FBRS: variants seen among roughly 807,000 people sequenced by gnomAD.
FBRS encodes fibrosin.
Under a neutral mutation model 86.1 loss-of-function variants are expected in FBRS, and 15 were observed. The ratio of observed to expected loss-of-function variants is 0.17; its 90% CI spans 0.12 to 0.27. The LOEUF (loss-of-function observed/expected upper bound fraction) is 0.27, where lower values mean the gene tolerates loss of function less well. Ranked by LOEUF, FBRS falls within the 10% of genes least tolerant of loss-of-function variation. The pLI is 1.00. For missense variants in FBRS, 1,367 were observed against 1,301.6 expected (o/e 1.05, Z -0.77); for synonymous variants, 666 against 575.8 (o/e 1.16, Z -2.24).
rs534149394 is a variant in FBRS, at chr16:30,659,024, C to G, written c.-495C>G. 1.4e-4 allele frequency: 21 copies of G among 152,004 alleles called. No homozygotes were observed. The highest frequency in any genetic ancestry group is 2.6e-4 in the Non-Finnish European group (18 of 67,980). The allele number at this position is 152,004 out of a possible 1,614,324, so 9.4% of individuals were successfully genotyped here. Reference sequence around the variant, plus strand: ...AGGGACGGCCTGCTGTTAGAAGGACCCTGGACTCCTTAAAGGGGTGGCCTC... The same window carrying G: ...AGGGACGGCCTGCTGTTAGAAGGACGCTGGACTCCTTAAAGGGGTGGCCTC... On this transcript the variant is annotated 5_prime_UTR_variant, in exon 1 of 18. Transcript: ENST00000356166.
Position 30,665,333 on chromosome 16 carries a change from C to A in FBRS, c.1636C>A (p.Pro546Thr). The A allele has an allele frequency of 6.4e-7, 1 of 1,565,764 alleles. No individual in the cohort carries two copies. The highest frequency in any genetic ancestry group is 1.2e-5 in the South Asian group (1 of 85,388). ...NPYTAFPPAVPGLPPGLPPAV... is the reference protein window; with the variant it reads ...NPYTAFPPAVTGLPPGLPPAV... ...GTACACGGCCTTCCCTCCCGCAGTG[C>A]CCGGGCTGCCTCCGGGCCTCCCGCC... The change falls in exon 10 of 18, where the codon CCC (proline) becomes ACC (threonine). Residue 546 changes from proline (P) to threonine (T), a missense_variant. Around this residue, in one of 3 missense-constraint regions of FBRS, gnomAD observed 659 missense variants for 678.8 expected, o/e 0.97. Coordinates refer to ENST00000356166, the MANE Select transcript of FBRS (RefSeq NM_001105079.3). The surrounding 1 kb of genome is among the most constrained non-coding windows in gnomAD (Gnocchi z 4.1).
chr16:30,669,659 G>T lies in FBRS; in HGVS notation c.*14G>T, dbSNP rs765354266. 13 of 1,577,454 alleles carry T rather than the reference G, an allele frequency of 8.2e-6. No individual in the cohort carries two copies. Among genetic ancestry groups the T allele is most frequent in the African/African-American group, 1.4e-5 (1 of 73,802 alleles). ...GCTGACAGGTGAGGGGAACGGGGGGGGGTCGGGGCAAAGCTCCATCTCCCC... is the reference window on the plus strand; with the variant it reads ...GCTGACAGGTGAGGGGAACGGGGGGTGGTCGGGGCAAAGCTCCATCTCCCC... On this transcript the variant is annotated 3_prime_UTR_variant, in exon 18 of 18. Coordinates refer to ENST00000356166, the MANE Select transcript of FBRS (RefSeq NM_001105079.3). The surrounding 1 kb of genome is among the most constrained non-coding windows in gnomAD (Gnocchi z 5.9).
At chr16:30,666,471 C>T (rs777855223) in intron 11 of FBRS, 41 bp from the exon 12 acceptor site, 41 of 1,613,718 alleles carry the variant, frequency 2.5e-5, no homozygotes, top group East Asian at 6.7e-5. Flanking sequence ...GCCCAGGACT[C>T]GGGTCTGAGT....
chr16:30,669,561 T>G lies in FBRS; in HGVS notation c.2859T>G (p.Leu953=), dbSNP rs747019705. The G allele has an allele frequency of 6.2e-7, 1 of 1,612,588 alleles. No individual in the cohort carries two copies. The highest frequency in any genetic ancestry group is 1.3e-5 in the African/African-American group (1 of 75,028). The change falls in exon 18 of 18, where the codon CTT becomes CTG. Residue 953 remains leucine (L), a synonymous_variant. Transcript: ENST00000356166. The surrounding 1 kb of genome is among the most constrained non-coding windows in gnomAD (Gnocchi z 5.9). The part of the protein sequence containing the change: ...HLLSKTPPGA[L]LGAPPPLVPA... ...TCAGCAAGACCCCACCGGGAGCCCT[T>G]TTGGGGGCACCACCTCCGCTTGTGC...
chr16:30,663,096 C>T, intron 6 of FBRS: 1 of 704,780 alleles, frequency 1.4e-6, no homozygotes, highest in Non-Finnish European at 2.0e-6. Flanking sequence ...AACGTTTTTT[C>T]AGGCAGGCAA....
chr16:30,666,068 C>G, intron 11 of FBRS: 1 of 405,952 alleles, frequency 2.5e-6, no homozygotes. Flanking sequence ...GCCTCCCTCC[C>G]CTTAGCACTT....
At position 30,669,942 on chromosome 16, in the gene FBRS, A is replaced by G. The variant is rs1036740760; in HGVS notation, c.*297A>G. 6 of 545,868 alleles carry G rather than the reference A, an allele frequency of 1.1e-5. No individual in the cohort carries two copies. The African/African-American group carries it at 1.1e-4, about 10-fold the overall frequency. 33.8% of individuals were successfully genotyped at this position (545,868 alleles called of 1,614,324 possible). ...TCCTGAGGTACACCTTTGCCCCTGT[A>G]AGGGCCTCTAGGCCCTGGGCCTGCC... On this transcript the variant is annotated 3_prime_UTR_variant, in exon 18 of 18. Coordinates refer to ENST00000356166, the MANE Select transcript of FBRS (RefSeq NM_001105079.3). This position sits in a 1 kb window ranked among gnomAD's most constrained non-coding sequence, Gnocchi z 5.9.
chr16:30,665,647 C>G lies in FBRS; in HGVS notation c.1714C>G (p.Pro572Ala). ...QGAFQPKSTN[P>A]ELPPRLGPVP... is the part of the protein sequence containing the mutation. ...CACTCCCCTTTCCCAGAGCACGAAC[C>G]CTGAGCTGCCACCACGACTGGGGCC... Residue 572 changes from proline to alanine, a missense_variant, in exon 11 of 18, where the codon CCT becomes GCT. Around this residue, in one of 3 missense-constraint regions of FBRS, gnomAD observed 659 missense variants for 678.8 expected, o/e 0.97. Transcript: ENST00000356166. This position sits in a 1 kb window ranked among gnomAD's most constrained non-coding sequence, Gnocchi z 4.1. 1.3e-6 allele frequency: 2 copies of G among 1,589,194 alleles called. No homozygotes were observed. Among genetic ancestry groups the G allele is most frequent in the Non-Finnish European group, 1.7e-6 (2 of 1,168,222 alleles).
Position 30,664,281 on chromosome 16 carries a change from T to G in FBRS, c.1122T>G (p.Ser374=), listed in dbSNP as rs1157178865. 1.4e-6 allele frequency: 2 copies of G among 1,418,058 alleles called. No individual in the cohort carries two copies. The highest frequency in any genetic ancestry group is 1.9e-6 in the Non-Finnish European group (2 of 1,069,090). 87.8% of individuals were successfully genotyped at this position (1,418,058 alleles called of 1,614,324 possible). A position where few individuals can be genotyped will look rare whatever the true frequency, so the allele number is the denominator to read the frequency against. ...CTCAGCCTCCCCCCTCATCATCCTCTTCGTCCTCCTCCTCCTCATCTGCCT... is the reference window on the plus strand; with the variant it reads ...CTCAGCCTCCCCCCTCATCATCCTCGTCGTCCTCCTCCTCCTCATCTGCCT... ...PVAQPPPSSS[S]SSSSSSSASS... The change falls in exon 7 of 18, where the codon TCT becomes TCG. Residue 374 remains serine, a synonymous_variant. Coordinates refer to ENST00000356166, the MANE Select transcript of FBRS (RefSeq NM_001105079.3).
Position 30,665,515 on chromosome 16 carries a change from C to CCTGCT in FBRS, c.1704+115_1705-118dup. 7.1e-7 allele frequency: 1 copy of CCTGCT among 1,412,058 alleles called. No homozygotes were observed. The highest frequency in any genetic ancestry group is 1.4e-5 in the African/African-American group (1 of 70,326). 87.5% of individuals were successfully genotyped at this position (1,412,058 alleles called of 1,614,324 possible). The stretch of plus-strand genomic sequence containing the variant: ...AGTCGTGCCCATCCTCCTGCCCTGC[C>CCTGCT]CTGCTGCACCCAGTTTTCTCCAAAG... On this transcript the variant is annotated intron_variant, in intron 10 of 17. Coordinates refer to ENST00000356166, the MANE Select transcript of FBRS (RefSeq NM_001105079.3). This position sits in a 1 kb window ranked among gnomAD's most constrained non-coding sequence, Gnocchi z 4.1.
In FBRS at chr16:30,669,191, A is replaced by C. The variant is rs1419725463; in HGVS notation, c.2489A>C (p.Glu830Ala). The C allele has an allele frequency of 6.5e-6, 10 of 1,549,366 alleles. No homozygotes were observed. The highest frequency in any genetic ancestry group is 8.7e-6 in the Non-Finnish European group (10 of 1,146,722). The change falls in exon 18 of 18, where the codon GAG becomes GCG. Residue 830 changes from glutamate to alanine, a missense_variant. Physicochemically the swap from Glu to Ala is moderately radical, Grantham distance 107. Coordinates refer to ENST00000356166, the MANE Select transcript of FBRS (RefSeq NM_001105079.3). This position sits in a 1 kb window ranked among gnomAD's most constrained non-coding sequence, Gnocchi z 5.9. ...CGGGTAAAGGAAGAGCGGAAGGAGGAGGCTGCCGCCGCCGCTGCCGCTGCT... is the reference window on the plus strand; with the variant it reads ...CGGGTAAAGGAAGAGCGGAAGGAGGCGGCTGCCGCCGCCGCTGCCGCTGCT... ...SVRVKEERKEEAAAAAAAAAA... is the reference protein window; with the variant it reads ...SVRVKEERKEAAAAAAAAAAA...
chr16:30,664,499 C>A lies in FBRS; in HGVS notation c.1340C>A (p.Ala447Asp). 7.1e-7 allele frequency: 1 copy of A among 1,414,606 alleles called. No homozygotes were observed. The highest frequency in any genetic ancestry group is 9.2e-7 in the Non-Finnish European group (1 of 1,086,388). The allele number at this position is 1,414,606 out of a possible 1,614,324, so 87.6% of individuals were successfully genotyped here. A position where few individuals can be genotyped will look rare whatever the true frequency, so the allele number is the denominator to read the frequency against. ...LQVPGHPGAS[A>D]ANALSEQDLI... is the part of the protein sequence containing the mutation. Reference sequence around the variant, plus strand: ...GTGCCAGGGCACCCTGGGGCCTCAGCCGCTAACGCCCTTTCTGGTGAGTTT... The same window carrying A: ...GTGCCAGGGCACCCTGGGGCCTCAGACGCTAACGCCCTTTCTGGTGAGTTT... Residue 447 changes from alanine to aspartate, a missense_variant, in exon 7 of 18, where the codon GCC (alanine) becomes GAC (aspartate). Ala to Asp is a moderately radical substitution (Grantham distance 126, BLOSUM62 -2). This residue lies in a region of FBRS where 702 missense variants were observed against 598.7 expected (regional missense o/e 1.17). Transcript: ENST00000356166.
intron 4 of FBRS, among the ~76,000 whole-genome samples, chr16:30,661,558 A>G (rs1178340575): frequency 6.6e-6 from 1 of 152,110 alleles, no homozygotes; most frequent in African/African-American, 2.4e-5. Context: ...TGGAGGGTCC[A>G]TGCTTTGGCA....
At chr16:30,666,279 C>T (rs987140603) in intron 11 of FBRS, 17 of 603,826 alleles carry the variant, frequency 2.8e-5, no homozygotes, top group Admixed American at 6.0e-5. Flanking sequence ...CCTCACCACC[C>T]GCAGCCTTCC....
chr16:30,666,101 T>G (rs963661898), intron 11 of FBRS: 3 of 400,910 alleles, frequency 7.5e-6, no homozygotes, highest in African/African-American at 2.0e-5. Flanking sequence ...ACCCCAGGGC[T>G]GCGGGAACGT....
intron 12 of FBRS, 88 bp from the exon 13 acceptor site, chr16:30,666,831 A>G (rs1054883513): frequency 6.3e-6 from 9 of 1,418,610 alleles, no homozygotes; most frequent in Non-Finnish European, 8.8e-6. Context: ...TTTTGTGGCG[A>G]GGCTGGGCCC....
rs1378543828 is a variant in FBRS, at chr16:30,665,850, G to T, written c.1773+144G>T. ...GGTGTCTAATAGAGAGGGAATTTCT[G>T]TAAATAGCTGGCTTTCCCAGGCATG... On this transcript the variant is annotated intron_variant, in intron 11 of 17. Coordinates refer to ENST00000356166, the MANE Select transcript of FBRS (RefSeq NM_001105079.3). This position sits in a 1 kb window ranked among gnomAD's most constrained non-coding sequence, Gnocchi z 4.1. 2.8e-6 allele frequency: 2 copies of T among 710,740 alleles called. No individual in the cohort carries two copies. The allele number at this position is 710,740 out of a possible 1,614,324, so 44.0% of individuals were successfully genotyped here.
rs1178981736 is a variant in FBRS at position 30,662,422 on chromosome 16, C to G, written c.708C>G (p.Val236=). 7.1e-6 allele frequency: 11 copies of G among 1,550,628 alleles called. No individual in the cohort carries two copies. The highest frequency in any genetic ancestry group is 9.6e-6 in the Non-Finnish European group (11 of 1,147,022). The change falls in exon 5 of 18, where the codon GTC becomes GTG. Residue 236 remains valine, a splice_region_variant and synonymous_variant. Transcript: ENST00000356166. The part of the protein sequence containing the change: ...CDAESDLDER[V]SDDDLDPSFT... Reference sequence around the variant, plus strand: ...TATCCCTTGCCCTTCTTCCCCAGGTCTCCGATGATGACCTCGACCCATCCT... The same window carrying G: ...TATCCCTTGCCCTTCTTCCCCAGGTGTCCGATGATGACCTCGACCCATCCT...
chr16:30,665,285 T>C lies in FBRS; in HGVS notation c.1609-21T>C, dbSNP rs1302158037. ...GCTGCGCCTCCACCCCCACCTGTAC[T>C]AGTCCCCCTTCTCTCCACAGCCGTA... On this transcript the variant is annotated intron_variant, in intron 9 of 17. Transcript: ENST00000356166. The surrounding 1 kb of genome is among the most constrained non-coding windows in gnomAD (Gnocchi z 4.1). The C allele has an allele frequency of 6.4e-7, 1 of 1,553,960 alleles. No homozygotes were observed. The highest frequency in any genetic ancestry group is 1.2e-5 in the South Asian group (1 of 84,480).
Sources: allele counts gnomAD v4.1 joint callset (sites outside exome capture counted in the v4.1 genomes callset), GRCh38; gene constraint gnomAD v4.1.1; regional missense constraint gnomAD v4.1.1; non-coding constraint Gnocchi (gnomAD v3.1); transcripts MANE v1.5; gene names NCBI Gene and HGNC (gene_info 2026-07-23, HGNC 2026-07-21).